MAIP1: variants seen among roughly 807,000 people sequenced by gnomAD.
MAIP1 encodes m-AAA protease-interacting protein 1, mitochondrial.
In MAIP1, 28 loss-of-function variants were observed where a neutral mutation model predicts 31.2. That is an observed-to-expected ratio of 0.90 (90% CI 0.67 to 1.23). The LOEUF is 1.23. Among genes scored for constraint, MAIP1 ranks in the 50% most tolerant of loss-of-function variants. The pLI is 0.00. For missense variants in MAIP1, 339 were observed against 356.0 expected (o/e 0.95, Z 0.38); for synonymous variants, 142 against 142.3 (o/e 1.00, Z 0.02).
chr2:199,956,441 A>G (rs2077605303), intron 1 of MAIP1, among the ~76,000 whole-genome samples, 193 bp downstream of exon 1: 6 of 152,210 alleles, frequency 3.9e-5, no homozygotes, highest in Admixed American at 3.9e-4. Context: ...ACACGCCTGT[A>G]GTCTCAGCTA....
rs1265640091 is a variant in MAIP1 at position 199,961,763 on chromosome 2, A to G, written c.650-18A>G. The G allele has an allele frequency of 1.9e-6, 3 of 1,601,028 alleles. No individual in the cohort carries two copies. Among genetic ancestry groups the G allele is most frequent in the Admixed American group, 3.4e-5 (2 of 58,234 alleles). On this transcript the variant is annotated intron_variant, in intron 3 of 4. Coordinates refer to ENST00000392290, the MANE Select transcript of MAIP1 (RefSeq NM_001394955.1). ...TTTTGATTTGTATTCGTATGTGTGT[A>G]TATGTTTTTTCTCTAAGGAAGGAAG...
chr2:199,959,446 C>T, intron 2 of MAIP1, 107 bp downstream of exon 2: 1 of 724,360 alleles, frequency 1.4e-6, no homozygotes, highest in Non-Finnish European at 2.4e-6. Context: ...GTGCCAGCAT[C>T]CAAAGTAGAG....
chr2:199,955,768 C>T lies in MAIP1; in HGVS notation c.-31C>T. On this transcript the variant is annotated 5_prime_UTR_variant, in exon 1 of 5. Transcript: ENST00000392290. The stretch of plus-strand genomic sequence containing the variant: ...CCACCGACTTCCTTTCCATACAGCA[C>T]CGGCAGGCACCGGTGTGAAGGGTCA... The T allele has an allele frequency of 6.6e-7, 1 of 1,508,052 alleles. No homozygotes were observed. Among genetic ancestry groups the T allele is most frequent in the Non-Finnish European group, 8.9e-7 (1 of 1,129,206 alleles). The allele number at this position is 1,508,052 out of a possible 1,614,324, so 93.4% of individuals were successfully genotyped here. A position where few individuals can be genotyped will look rare whatever the true frequency, so the allele number is the denominator to read the frequency against.
In MAIP1 at chr2:199,955,610, G is replaced by T; in HGVS notation, c.-189G>T. The T allele has an allele frequency of 7.9e-7, 1 of 1,261,452 alleles. No individual in the cohort carries two copies. Among genetic ancestry groups the T allele is most frequent in the Non-Finnish European group, 1.1e-6 (1 of 925,798 alleles). The allele number at this position is 1,261,452 out of a possible 1,614,324, so 78.1% of individuals were successfully genotyped here. A position where few individuals can be genotyped will look rare whatever the true frequency, so the allele number is the denominator to read the frequency against. Reference sequence around the variant, plus strand: ...CTCCAGAGTGGCTGGGTCCGAGCGCGGGGCGGGTTGCCGAAGGGCCTCGGC... The same window carrying T: ...CTCCAGAGTGGCTGGGTCCGAGCGCTGGGCGGGTTGCCGAAGGGCCTCGGC... On this transcript the variant is annotated 5_prime_UTR_variant, in exon 1 of 5. Transcript: ENST00000392290.
At chr2:199,962,964 C>A (rs1219220686) in intron 4 of MAIP1, among the ~76,000 whole-genome samples, 1 of 151,974 alleles carries the variant, frequency 6.6e-6, no homozygotes, top group African/African-American at 2.4e-5. Flanking sequence ...AATAACAAAC[C>A]CCAAAAATGA....
In MAIP1 at chr2:199,960,337, G is replaced by C. The variant is rs1205321603; in HGVS notation, c.649+457G>C. 3.3e-5 allele frequency among the ~76,000 whole-genome samples: 5 copies of C among 152,224 alleles called. No individual in the cohort carries two copies. The East Asian group carries it at 9.7e-4, about 29-fold the overall frequency. ...GAACTCCCAAATTGGATCTATTTGA[G>C]AATAATGAAAAAAGTTGGTAGGAAA... is the stretch of plus-strand genomic sequence containing the variant. On this transcript the variant is annotated intron_variant, in intron 3 of 4. Transcript: ENST00000392290.
Position 199,959,800 on chromosome 2 carries a change from A to G in MAIP1, c.569A>G (p.His190Arg). Residue 190 changes from histidine (H) to arginine (R), a missense_variant, in exon 3 of 5, where the codon CAT (histidine) becomes CGT (arginine). Transcript: ENST00000392290. ...KEKVTSLPDN[H>R]KNALAANIDE... is the part of the protein sequence containing the mutation. The stretch of plus-strand genomic sequence containing the variant: ...AAGGTTACTTCACTACCTGACAACC[A>G]TAAAAATGCCCTTGCTGCTAACATA... 3.1e-6 allele frequency: 5 copies of G among 1,612,768 alleles called. No homozygotes were observed. Among genetic ancestry groups the G allele is most frequent in the Non-Finnish European group, 4.2e-6 (5 of 1,179,252 alleles).
At chr2:199,956,719 A>G (rs1200294032) in intron 1 of MAIP1, among the ~76,000 whole-genome samples, 1 of 152,212 alleles carries the variant, frequency 6.6e-6, no homozygotes, top group Non-Finnish European at 1.5e-5. Context: ...AACATTTCCA[A>G]AGTGCTGTAA....
intron 3 of MAIP1, among the ~76,000 whole-genome samples, chr2:199,960,179 A>G (rs2077628758): frequency 1.3e-5 from 2 of 152,210 alleles, no homozygotes; most frequent in African/African-American, 4.8e-5. Context: ...GAAAATATTT[A>G]TGTTTCAGAT....
intron 2 of MAIP1, 98 bp downstream of exon 2, chr2:199,959,437 T>A: frequency 2.6e-6 from 2 of 762,226 alleles, no homozygotes; most frequent in Non-Finnish European, 4.6e-6. Context: ...ATAGTGTGTG[T>A]GCCAGCATCC....
intron 4 of MAIP1, among the ~76,000 whole-genome samples, 171 bp downstream of exon 4, chr2:199,962,099 T>C (rs1419593763): frequency 6.6e-6 from 1 of 152,164 alleles, no homozygotes; most frequent in African/African-American, 2.4e-5. Context: ...GTTAAGAAAT[T>C]AGAAAGAGGT....
chr2:199,959,430 G>T (rs1185951675), intron 2 of MAIP1, 91 bp downstream of exon 2: 1 of 793,776 alleles, frequency 1.3e-6, no homozygotes, highest in Non-Finnish European at 2.2e-6. Context: ...CTTAAAAATA[G>T]TGTGTGTGCC....
rs2077593938 is a variant in MAIP1 at position 199,955,603 on chromosome 2, C to T, written c.-196C>T. ...CGGCAGACTCCAGAGTGGCTGGGTCCGAGCGCGGGGCGGGTTGCCGAAGGG... is the reference window on the plus strand; with the variant it reads ...CGGCAGACTCCAGAGTGGCTGGGTCTGAGCGCGGGGCGGGTTGCCGAAGGG... On this transcript the variant is annotated 5_prime_UTR_variant, in exon 1 of 5. Transcript: ENST00000392290. 5.4e-6 allele frequency: 7 copies of T among 1,294,222 alleles called. No homozygotes were observed. Among genetic ancestry groups the T allele is most frequent in the Non-Finnish European group, 7.3e-6 (7 of 952,984 alleles). The allele number at this position is 1,294,222 out of a possible 1,614,324, so 80.2% of individuals were successfully genotyped here.
rs2077593623 is a variant in MAIP1, at chr2:199,955,587, C to G, written c.-212C>G. 7.3e-7 allele frequency: 1 copy of G among 1,377,960 alleles called. No homozygotes were observed. Among genetic ancestry groups the G allele is most frequent in the Non-Finnish European group, 9.9e-7 (1 of 1,012,704 alleles). The allele number at this position is 1,377,960 out of a possible 1,614,324, so 85.4% of individuals were successfully genotyped here. On this transcript the variant is annotated 5_prime_UTR_variant, in exon 1 of 5. Coordinates refer to ENST00000392290, the MANE Select transcript of MAIP1 (RefSeq NM_001394955.1). Reference sequence around the variant, plus strand: ...AAAAGGTCCGCGAGGCCGGCAGACTCCAGAGTGGCTGGGTCCGAGCGCGGG... The same window carrying G: ...AAAAGGTCCGCGAGGCCGGCAGACTGCAGAGTGGCTGGGTCCGAGCGCGGG...
chr2:199,955,855 C>G lies in MAIP1; in HGVS notation c.57C>G (p.Cys19Trp), dbSNP rs201104497. 4.6e-6 allele frequency: 7 copies of G among 1,529,300 alleles called. No individual in the cohort carries two copies. Among genetic ancestry groups the G allele is most frequent in the Non-Finnish European group, 6.1e-6 (7 of 1,140,862 alleles). 94.7% of individuals were successfully genotyped at this position (1,529,300 alleles called of 1,614,324 possible). ...PQFLHSRSLP[C>W]GAVRLRTPAV... ...TCCTGCACTCTCGGTCGCTGCCCTG[C>G]GGGGCCGTCCGACTCCGGACTCCTG... The change falls in exon 1 of 5, where the codon TGC (cysteine) becomes TGG (tryptophan). Residue 19 changes from cysteine (C) to tryptophan (W), a missense_variant. Transcript: ENST00000392290.
rs2077639094 is a variant in MAIP1, at chr2:199,961,926, T to C, written c.795T>C (p.Tyr265=). Reference sequence around the variant, plus strand: ...CTAAACAACTTCTTAGTGCAAGCTATGAGTAAGTTTAATCAGATTTCATTG... The same window carrying C: ...CTAAACAACTTCTTAGTGCAAGCTACGAGTAAGTTTAATCAGATTTCATTG... The part of the protein sequence containing the change: ...VETKQLLSAS[Y]EFQREFTQGV... Residue 265 remains tyrosine, a splice_region_variant and synonymous_variant, in exon 4 of 5, where the codon TAT becomes TAC. Coordinates refer to ENST00000392290, the MANE Select transcript of MAIP1 (RefSeq NM_001394955.1). The C allele has an allele frequency of 6.2e-7, 1 of 1,611,010 alleles. No homozygotes were observed. Among genetic ancestry groups the C allele is most frequent in the African/African-American group, 1.3e-5 (1 of 74,824 alleles).
chr2:199,964,015 A>C lies in MAIP1; in HGVS notation c.*204A>C, dbSNP rs1574822955. The C allele has an allele frequency of 2.8e-6, 1 of 362,844 alleles. No homozygotes were observed. The highest frequency in any genetic ancestry group is 7.4e-5 in the South Asian group (1 of 13,492). 22.5% of individuals were successfully genotyped at this position (362,844 alleles called of 1,614,324 possible). Reference sequence around the variant, plus strand: ...TATCACCTTCTTTAAAAGAAGTCAAAATTTAAAAAATACAATAGCACGTTG... The same window carrying C: ...TATCACCTTCTTTAAAAGAAGTCAACATTTAAAAAATACAATAGCACGTTG... On this transcript the variant is annotated 3_prime_UTR_variant, in exon 5 of 5. Coordinates refer to ENST00000392290, the MANE Select transcript of MAIP1 (RefSeq NM_001394955.1).
In MAIP1 at chr2:199,963,820, G is replaced by A; in HGVS notation, c.*9G>A. On this transcript the variant is annotated 3_prime_UTR_variant, in exon 5 of 5. Transcript: ENST00000392290. Reference sequence around the variant, plus strand: ...CAAAATTATTAGAATAATTTTCTTGGAAAAATCAGCTTATGGACTTTAGCA... The same window carrying A: ...CAAAATTATTAGAATAATTTTCTTGAAAAAATCAGCTTATGGACTTTAGCA... 1.9e-6 allele frequency: 3 copies of A among 1,588,352 alleles called. No homozygotes were observed. Among genetic ancestry groups the A allele is most frequent in the Non-Finnish European group, 1.7e-6 (2 of 1,158,668 alleles).
upstream of MAIP1, chr2:199,955,451 G>A (rs377075622): frequency 8.7e-6 from 14 of 1,613,688 alleles, no homozygotes; most frequent in African/African-American, 6.7e-5. Context: ...CCGGGGTACC[G>A]GGAGGTGCTG....
Sources: gnomAD v4.1 joint callset for allele counts (sites outside exome capture counted in the v4.1 genomes callset) on GRCh38, gnomAD v4.1.1 for gene constraint, MANE v1.5 for transcripts, NCBI Gene and HGNC (gene_info 2026-07-23, HGNC 2026-07-21) for gene names.